SMS: variants seen among roughly 807,000 people sequenced by gnomAD.
SMS encodes the protein spermidine aminopropyltransferase.
In SMS, 3 loss-of-function variants were observed where a neutral mutation model predicts 33.0. That is an observed-to-expected ratio of 0.09 (90% CI 0.04 to 0.23). The LOEUF (loss-of-function observed/expected upper bound fraction) is 0.23, where lower values mean the gene tolerates loss of function less well. SMS is among the 10% of genes least tolerant of loss of function. The pLI, the probability that SMS is intolerant of heterozygous loss-of-function variation, is 1.00. For missense variants in SMS, 117 were observed against 288.6 expected (o/e 0.41, Z 4.31); for synonymous variants, 103 against 112.2 (o/e 0.92, Z 0.52).
chrX:21,975,512 G>A (rs1321821171), intron 4 of SMS, among the ~76,000 whole-genome samples: 1 of 111,073 alleles, frequency 9.0e-6, no homozygotes, highest in African/African-American at 3.3e-5. Flanking sequence ...TGACTTTGTC[G>A]TTCATCCAAT....
Position 21,940,770 on chromosome X carries a change from C to T in SMS, c.-55C>T. ...GGCCGCAGCCTGACACGCCGCGCGG[C>T]CCCCCAGTCTCCCGCGGCTGCTCCC... On this transcript the variant is annotated 5_prime_UTR_variant, in exon 1 of 11. Transcript: ENST00000404933. 1.2e-5 allele frequency: 12 copies of T among 976,518 alleles called. 1 individual carries two copies. Among genetic ancestry groups the T allele is most frequent in the East Asian group, 7.8e-5 (2 of 25,524 alleles). The allele number at this position is 976,518 out of a possible 1,213,427, so 80.5% of individuals were successfully genotyped here. A position where few individuals can be genotyped will look rare whatever the true frequency, so the allele number is the denominator to read the frequency against.
chrX:21,985,442 A>G (rs781644266), intron 9 of SMS, among the ~76,000 whole-genome samples: 1 of 111,625 alleles, frequency 9.0e-6, no homozygotes, highest in Non-Finnish European at 1.9e-5. Flanking sequence ...CTGCCACCAG[A>G]TGGAGACACA....
At chrX:21,977,334 G>C (rs1924601710) in intron 5 of SMS, 98 bp downstream of exon 5, 1 of 809,044 alleles carries the variant, frequency 1.2e-6, no homozygotes, top group Non-Finnish European at 1.9e-6. Context: ...ATTTGTTTGA[G>C]TTTGTTTTTG....
At chrX:21,953,003 T>C (rs1010750008) in intron 1 of SMS, among the ~76,000 whole-genome samples, 1 of 108,789 alleles carries the variant, frequency 9.2e-6, no homozygotes, top group Non-Finnish European at 1.9e-5. Flanking sequence ...CCTCAAGCAG[T>C]TGACGCACCT....
At chrX:21,985,292 A>G in intron 9 of SMS, 69 bp downstream of exon 9, 1 of 633,609 alleles carries the variant, frequency 1.6e-6, no homozygotes, top group Non-Finnish European at 2.7e-6. Flanking sequence ...CTGAATGCAC[A>G]TTTTTGAAAT....
chrX:21,944,550 A>G (rs1922077017), intron 1 of SMS, among the ~76,000 whole-genome samples: 1 of 107,471 alleles, frequency 9.3e-6, no homozygotes, highest in Non-Finnish European at 1.9e-5. Context: ...AAAAAAGAAA[A>G]AAAATTAGCC....
At chrX:21,942,105 G>C (rs1921854612) in intron 1 of SMS, among the ~76,000 whole-genome samples, 1 of 109,149 alleles carries the variant, frequency 9.2e-6, no homozygotes, top group East Asian at 2.9e-4. Flanking sequence ...CCGCAGACTT[G>C]AATCTGCACT....
intron 9 of SMS, among the ~76,000 whole-genome samples, chrX:21,990,324 G>A (rs769666396): frequency 1.8e-5 from 2 of 112,193 alleles, no homozygotes; most frequent in African/African-American, 3.2e-5. Context: ...AATAAGCTTT[G>A]CTTTTCTTAA....
intron 1 of SMS, among the ~76,000 whole-genome samples, chrX:21,948,320 A>G (rs756533414): frequency 9.0e-6 from 1 of 111,050 alleles, no homozygotes; most frequent in African/African-American, 3.3e-5. Flanking sequence ...AATTGACTCC[A>G]TAATCAAGGC....
intron 9 of SMS, among the ~76,000 whole-genome samples, chrX:21,987,070 A>G (rs1925397115): frequency 1.0e-5 from 1 of 100,095 alleles, no homozygotes; most frequent in African/African-American, 3.9e-5. Context: ...ATCTCAGCTC[A>G]CCGCAACCTC....
intron 9 of SMS, among the ~76,000 whole-genome samples, chrX:21,987,058 C>T (rs1032069920): frequency 7.9e-5 from 8 of 101,481 alleles, no homozygotes; most frequent in Non-Finnish European, 1.4e-4. Context: ...TGCAATGGCG[C>T]GATCTCAGCT....
chrX:21,965,058 T>C (rs2147505623), intron 1 of SMS, among the ~76,000 whole-genome samples: 1 of 111,474 alleles, frequency 9.0e-6, no homozygotes, highest in African/African-American at 3.3e-5. Flanking sequence ...TGCCTCCGTC[T>C]TATGTCACCT....
At chrX:21,965,578 C>CAAAA (rs1316702959) in intron 1 of SMS, among the ~76,000 whole-genome samples, 1 of 9,933 alleles carries the variant, frequency 1.0e-4, no homozygotes, top group Non-Finnish European at 1.3e-4. Context: ...GTCTCTACTA[C>CAAAA]AAATACAAAA....
intron 1 of SMS, among the ~76,000 whole-genome samples, chrX:21,954,696 CAT>C (rs1303873745): frequency 8.9e-6 from 1 of 111,909 alleles, no homozygotes; most frequent in Non-Finnish European, 1.9e-5. Context: ...TCCTCAGCGA[CAT>C]GTGTATCAAG....
intron 1 of SMS, among the ~76,000 whole-genome samples, chrX:21,955,619 C>G (rs1277345315): frequency 1.8e-5 from 2 of 111,710 alleles, no homozygotes; most frequent in African/African-American, 6.5e-5. Context: ...ACCCCCACCC[C>G]CTGCTTTTCT....
intron 9 of SMS, among the ~76,000 whole-genome samples, chrX:21,990,139 A>G (rs1925662787): frequency 8.9e-6 from 1 of 111,818 alleles, no homozygotes; most frequent in South Asian, 3.7e-4. Context: ...ACTTACAATA[A>G]AAAGCTTTTC....
intron 2 of SMS, among the ~76,000 whole-genome samples, chrX:21,970,319 C>A (rs1294908244): frequency 9.0e-6 from 1 of 110,904 alleles, no homozygotes; most frequent in Non-Finnish European, 1.9e-5. Context: ...CTGGTTTTAT[C>A]CCTAGTAGCA....
In SMS at chrX:21,988,662, C is replaced by CAAAAAAAAAAAAAAAAAA. The variant is rs199561897; in HGVS notation, c.945+3452_945+3469dup. Reference sequence around the variant, plus strand: ...CCTGGGCAAGAGGGAGACTCTGTCTCAAAAAAAAAAAAAAAAAAAAAAAAA... The same window carrying CAAAAAAAAAAAAAAAAAA: ...CCTGGGCAAGAGGGAGACTCTGTCTCAAAAAAAAAAAAAAAAAAAAAAAAAAAAAAAAAAAAAAAAAAA... On this transcript the variant is annotated intron_variant, in intron 9 of 10. Coordinates refer to ENST00000404933, the MANE Select transcript of SMS (RefSeq NM_004595.5). 1.3e-3 allele frequency among the ~76,000 whole-genome samples: 89 copies of CAAAAAAAAAAAAAAAAAA among 66,130 alleles called. 2 individuals carry two copies. Among genetic ancestry groups the CAAAAAAAAAAAAAAAAAA allele is most frequent in the Admixed American group, 4.5e-3 (20 of 4,493 alleles). The allele number at this position is 66,130 out of a possible 115,157, so 57.4% of individuals were successfully genotyped here.
intron 1 of SMS, among the ~76,000 whole-genome samples, chrX:21,965,937 CAG>C (rs917864527): frequency 2.7e-5 from 3 of 111,062 alleles, no homozygotes; most frequent in African/African-American, 9.8e-5. Context: ...ACCTGGGCGA[CAG>C]AGGGAGATCC....
Sources: allele counts gnomAD v4.1 joint callset (sites outside exome capture counted in the v4.1 genomes callset), GRCh38; gene constraint gnomAD v4.1.1; transcripts MANE v1.5; gene names NCBI Gene and HGNC (gene_info 2026-07-23, HGNC 2026-07-21).